Variants in PVALEF observed in about 807,000 individuals in gnomAD.
PVALEF encodes parvalbumin-like EF-hand-containing protein.
A neutral mutation model predicts 1.2 loss-of-function variants in PVALEF; 2 were observed. The observed-to-expected ratio is 1.68, with a 90% confidence interval of 0.69 to 5.28. The LOEUF (loss-of-function observed/expected upper bound fraction) is 5.28, where lower values mean the gene tolerates loss of function less well. Among genes scored for constraint, PVALEF ranks in the 30% most tolerant of loss-of-function variants. The probability of loss-of-function intolerance (pLI) is 0.06; values close to 1 mark genes in which losing one functional copy is unlikely to be tolerated. For synonymous variants in PVALEF, 16 were observed against 6.5 expected (o/e 2.47, Z -2.24); for missense variants, 35 against 17.7 (o/e 1.97, Z -1.75).
In PVALEF at chr17:81,165,702, C is replaced by T. The variant is rs1352836242; in HGVS notation, c.-553C>T. The T allele has an allele frequency of 2.0e-6, 3 of 1,518,050 alleles. No individual in the cohort carries two copies. Among genetic ancestry groups the T allele is most frequent in the East Asian group, 2.5e-5 (1 of 39,834 alleles). The allele number at this position is 1,518,050 out of a possible 1,614,324, so 94.0% of individuals were successfully genotyped here. ...GTTACCTGTGCCCTGGAGGCAGCCA[C>T]GGAGTCACGACCACGCGGGGGACGC... On this transcript the variant is annotated 5_prime_UTR_variant, in exon 1 of 7. The change creates a new upstream start codon in the 5' untranslated region. Coordinates refer to ENST00000637878, the MANE Select transcript of PVALEF (RefSeq NM_001354639.2).
intron 1 of PVALEF, chr17:81,166,154 G>C (rs1229717557): frequency 8.0e-6 from 2 of 250,830 alleles, no homozygotes; most frequent in Admixed American, 6.8e-5. Flanking sequence ...CCGCACCGGT[G>C]GGGGCGGCGG....
rs538006330 is a variant in PVALEF at position 81,165,939 on chromosome 17, G to A, written c.-508+192G>A. The A allele has an allele frequency of 2.4e-4, 372 of 1,581,148 alleles. 4 individuals carry two copies. The South Asian group carries it at 3.8e-3, about 16-fold the overall frequency. On this transcript the variant is annotated intron_variant, in intron 1 of 6. Coordinates refer to ENST00000637878, the MANE Select transcript of PVALEF (RefSeq NM_001354639.2). ...CAGGCCGGGCCGCCAGGGACTCACC[G>A]GGGTCGAAGTGCGAGCTGAAGGCGA...
At chr17:81,172,473 C>T (rs117802403) in intron 2 of PVALEF, among the ~76,000 whole-genome samples, 17 of 152,194 alleles carry the variant, frequency 1.1e-4, no homozygotes, top group Non-Finnish European at 1.9e-4. Context: ...CAGCAGCAGA[C>T]GGCCAGTCAA....
intron 2 of PVALEF, 64 bp downstream of exon 2, chr17:81,166,908 G>A (rs2061497965): frequency 3.0e-6 from 1 of 334,066 alleles, no homozygotes; most frequent in Non-Finnish European, 6.1e-6. Context: ...GTTTCTCCCA[G>A]GATCCCCCAT....
intron 3 of PVALEF, among the ~76,000 whole-genome samples, chr17:81,179,894 G>A (rs2061547924): frequency 6.6e-6 from 1 of 152,202 alleles, no homozygotes; most frequent in Non-Finnish European, 1.5e-5. Context: ...AAAGGGAGTG[G>A]GGAAACAGAG....
intron 2 of PVALEF, among the ~76,000 whole-genome samples, chr17:81,170,568 G>C (rs1419917064): frequency 6.6e-6 from 1 of 152,160 alleles, no homozygotes; most frequent in Non-Finnish European, 1.5e-5. Flanking sequence ...GCAGGGCATG[G>C]GAGGGAGGAG....
At chr17:81,169,760 G>A (rs747153535) in intron 2 of PVALEF, among the ~76,000 whole-genome samples, 1 of 152,060 alleles carries the variant, frequency 6.6e-6, no homozygotes, top group Non-Finnish European at 1.5e-5. Flanking sequence ...CTATGTGTGT[G>A]TATGCATGTG....
intron 2 of PVALEF, among the ~76,000 whole-genome samples, chr17:81,171,488 C>T (rs552157102): frequency 7.3e-4 from 111 of 152,290 alleles, no homozygotes; most frequent in African/African-American, 2.5e-3. Context: ...TGATTTCCCA[C>T]TCCACATATT....
intron 2 of PVALEF, among the ~76,000 whole-genome samples, chr17:81,173,390 T>C (rs1446669649): frequency 1.3e-5 from 2 of 152,144 alleles, no homozygotes; most frequent in Non-Finnish European, 2.9e-5. Context: ...CCAGGCCCAG[T>C]GGGCCACCTC....
intron 3 of PVALEF, among the ~76,000 whole-genome samples, chr17:81,180,831 A>G (rs2061551099): frequency 6.6e-6 from 1 of 152,024 alleles, no homozygotes; most frequent in African/African-American, 2.4e-5. Context: ...AGAAGGCTCT[A>G]CCACCCTGTG....
At chr17:81,169,816 GTGTC>G (rs924748311) in intron 2 of PVALEF, among the ~76,000 whole-genome samples, 3 of 150,162 alleles carry the variant, frequency 2.0e-5, no homozygotes, top group African/African-American at 7.4e-5. Context: ...ATGTATATGT[GTGTC>G]TGTGTGTGTC....
At chr17:81,167,799 G>A (rs2061503934) in intron 2 of PVALEF, among the ~76,000 whole-genome samples, 1 of 152,230 alleles carries the variant, frequency 6.6e-6, no homozygotes, top group South Asian at 2.1e-4. Flanking sequence ...GCTGCCGCCA[G>A]GCTGCCGTTG....
chr17:81,177,240 C>CA (rs1163157496), intron 2 of PVALEF, among the ~76,000 whole-genome samples: 26,500 of 73,460 alleles, frequency 0.36, 5,602 homozygotes, highest in East Asian at 0.64. Context: ...AACTCCATCT[C>CA]AAAAAAAAAA....
rs527269293 is a variant in PVALEF, at chr17:81,181,494, G to A, written c.107-65G>A. ...CCGGCAGCCCCCATCCCAGGGCGGG[G>A]TCTTCCCTGGAGGCCCAGCTCAAGT... On this transcript the variant is annotated intron_variant, in intron 4 of 6. Transcript: ENST00000637878. The A allele has an allele frequency of 2.0e-5, 10 of 489,652 alleles. No individual in the cohort carries two copies. The East Asian group carries it at 3.4e-4, about 16-fold the overall frequency. 30.3% of individuals were successfully genotyped at this position (489,652 alleles called of 1,614,324 possible).
chr17:81,170,828 T>C (rs2061518182), intron 2 of PVALEF, among the ~76,000 whole-genome samples: 2 of 152,004 alleles, frequency 1.3e-5, no homozygotes, highest in Admixed American at 1.3e-4. Flanking sequence ...CCCTCCACCA[T>C]CTTGGCCCTC....
At chr17:81,167,647 G>A (rs184575370) in intron 2 of PVALEF, among the ~76,000 whole-genome samples, 1 of 152,316 alleles carries the variant, frequency 6.6e-6, no homozygotes, top group Admixed American at 6.5e-5. Flanking sequence ...AAAGCAAGGG[G>A]CCTCCACCCT....
At chr17:81,168,304 T>C (rs577857385) in intron 2 of PVALEF, among the ~76,000 whole-genome samples, 9 of 152,314 alleles carry the variant, frequency 5.9e-5, no homozygotes, top group African/African-American at 1.9e-4. Flanking sequence ...ACATGTACAC[T>C]TGTGGCTGGG....
chr17:81,166,614 G>T (rs528892224), intron 1 of PVALEF, 63 bp from the exon 2 acceptor site: 4 of 445,112 alleles, frequency 9.0e-6, no homozygotes, highest in Admixed American at 2.4e-5. Context: ...GAGACAGGTG[G>T]GGGAACCCGG....
At chr17:81,173,396 A>G (rs2061526922) in intron 2 of PVALEF, among the ~76,000 whole-genome samples, 1 of 151,984 alleles carries the variant, frequency 6.6e-6, no homozygotes, top group African/African-American at 2.4e-5. Flanking sequence ...CCAGTGGGCC[A>G]CCTCCATGGA....
Sources: gnomAD v4.1 joint callset for allele counts (sites outside exome capture counted in the v4.1 genomes callset) on GRCh38, gnomAD v4.1.1 for gene constraint, MANE v1.5 for transcripts, NCBI Gene and HGNC (gene_info 2026-07-23, HGNC 2026-07-21) for gene names.